FBXL17: variants seen among roughly 807,000 people sequenced by gnomAD.
FBXL17 encodes the protein F-box/LRR-repeat protein 17.
A neutral mutation model predicts 66.2 loss-of-function variants in FBXL17; 22 were observed. The ratio of observed to expected loss-of-function variants is 0.33; its 90% CI spans 0.24 to 0.47. FBXL17 has a LOEUF of 0.47. Ranked by LOEUF, FBXL17 falls within the 20% of genes least tolerant of loss-of-function variation. The pLI is 1.00. For synonymous variants in FBXL17, 474 were observed against 400.5 expected (o/e 1.18, Z -2.19); for missense variants, 878 against 948.2 (o/e 0.93, Z 0.97).
intron 7 of FBXL17, among the ~76,000 whole-genome samples, chr5:107,916,260 T>C (rs1175212012): frequency 2.0e-5 from 3 of 152,232 alleles, no homozygotes; most frequent in African/African-American, 7.2e-5. Flanking sequence ...CATCTAAACA[T>C]GGTTAAGGTC....
chr5:108,371,649 T>A (rs1749045433), intron 1 of FBXL17, among the ~76,000 whole-genome samples: 1 of 151,860 alleles, frequency 6.6e-6, no homozygotes, highest in Non-Finnish European at 1.5e-5. Context: ...AAGAAAACCG[T>A]GGACAAAGAA....
intron 6 of FBXL17, among the ~76,000 whole-genome samples, chr5:108,104,292 C>A (rs927941840): frequency 5.3e-5 from 8 of 152,202 alleles, no homozygotes; most frequent in African/African-American, 1.9e-4. Flanking sequence ...CTGCCTTGGC[C>A]TCCCAAAGTG....
intron 4 of FBXL17, among the ~76,000 whole-genome samples, chr5:108,267,185 G>C (rs961073817): frequency 2.0e-5 from 3 of 151,898 alleles, no homozygotes; most frequent in African/African-American, 7.2e-5. Flanking sequence ...AAAAAATCTA[G>C]TTGGCAATAA....
At chr5:107,925,029 G>A (rs1334522734) in intron 7 of FBXL17, among the ~76,000 whole-genome samples, 1 of 152,078 alleles carries the variant, frequency 6.6e-6, no homozygotes, top group Non-Finnish European at 1.5e-5. Flanking sequence ...GTAAAGATTT[G>A]ATTTACTTTG....
chr5:108,264,433 C>CAAAAA (rs1756964818), intron 4 of FBXL17, among the ~76,000 whole-genome samples: 1 of 151,224 alleles, frequency 6.6e-6, no homozygotes, highest in Non-Finnish European at 1.5e-5. Flanking sequence ...TTTAAACTGG[C>CAAAAA]CAAAAAAGAG....
At chr5:108,221,267 CCT>C (rs1754852335) in intron 5 of FBXL17, among the ~76,000 whole-genome samples, 1 of 152,180 alleles carries the variant, frequency 6.6e-6, no homozygotes, top group African/African-American at 2.4e-5. Context: ...TATTCCCAAT[CCT>C]CTGTTTTCTT....
chr5:108,148,931 G>C (rs1308456238), intron 6 of FBXL17, among the ~76,000 whole-genome samples: 2 of 152,176 alleles, frequency 1.3e-5, no homozygotes, highest in Non-Finnish European at 2.9e-5. Flanking sequence ...TCTCTTAAAT[G>C]TTAACTACAT....
At chr5:108,047,765 C>A (rs1226996091) in intron 6 of FBXL17, among the ~76,000 whole-genome samples, 1 of 152,202 alleles carries the variant, frequency 6.6e-6, no homozygotes, top group East Asian at 1.9e-4. Context: ...CAACTCCAGC[C>A]AGAGGCTCAG....
At chr5:107,944,760 T>C (rs1175783307) in intron 7 of FBXL17, among the ~76,000 whole-genome samples, 1 of 152,162 alleles carries the variant, frequency 6.6e-6, no homozygotes, top group Non-Finnish European at 1.5e-5. Context: ...TCAATAAACG[T>C]ATATCCAATT....
intron 6 of FBXL17, among the ~76,000 whole-genome samples, chr5:108,051,021 C>T (rs1418595397): frequency 6.6e-6 from 1 of 152,134 alleles, no homozygotes; most frequent in Non-Finnish European, 1.5e-5. Flanking sequence ...GATACACCTT[C>T]CAAAGACTAA....
intron 6 of FBXL17, among the ~76,000 whole-genome samples, chr5:108,080,714 G>C (rs1170170781): frequency 6.6e-6 from 1 of 152,116 alleles, no homozygotes; most frequent in Non-Finnish European, 1.5e-5. Context: ...TCCAGGTCTT[G>C]GTGGATTCAA....
chr5:108,226,179 C>T (rs1210633953), intron 4 of FBXL17, among the ~76,000 whole-genome samples: 1 of 152,152 alleles, frequency 6.6e-6, no homozygotes, highest in Non-Finnish European at 1.5e-5. Context: ...TAACTCTTCC[C>T]TCCCTCTCCC....
chr5:108,047,841 C>T (rs1249390670), intron 6 of FBXL17, among the ~76,000 whole-genome samples: 3 of 152,300 alleles, frequency 2.0e-5, no homozygotes, highest in Non-Finnish European at 2.9e-5. Flanking sequence ...TCTCTGCAGA[C>T]CAGCAGACTT....
At chr5:107,984,102 C>A (rs1334795605) in intron 7 of FBXL17, among the ~76,000 whole-genome samples, 1 of 152,148 alleles carries the variant, frequency 6.6e-6, no homozygotes, top group East Asian at 1.9e-4. Flanking sequence ...AGTGAGCAAG[C>A]TCGGCCTTGG....
In FBXL17 at chr5:108,186,227, C is replaced by T. The variant is rs377538178; in HGVS notation, c.1635G>A (p.Leu545=). Residue 545 remains leucine (L), a synonymous_variant, in exon 6 of 9, where the codon TTG becomes TTA. Transcript: ENST00000542267. ...HLTKLRNLSS[L]DLRHITELDN... ...CCAGTTCAGTGATATGACGTAGGTC[C>T]AAGCTGGAAAGGTTTCTTAGCTAAT... 2.5e-6 allele frequency: 4 copies of T among 1,611,984 alleles called. No homozygotes were observed. The highest frequency in any genetic ancestry group is 1.1e-5 in the South Asian group (1 of 90,664).
intron 6 of FBXL17, among the ~76,000 whole-genome samples, chr5:108,158,293 G>A (rs1342518459): frequency 6.6e-6 from 1 of 151,986 alleles, no homozygotes; most frequent in East Asian, 1.9e-4. Flanking sequence ...AGAAAACACT[G>A]AACCAATATA....
At chr5:108,334,330 C>G (rs985706804) in intron 4 of FBXL17, among the ~76,000 whole-genome samples, 1 of 152,148 alleles carries the variant, frequency 6.6e-6, no homozygotes, top group Admixed American at 6.6e-5. Flanking sequence ...GAAAGAGAGC[C>G]TATTTTCCAC....
intron 8 of FBXL17, among the ~76,000 whole-genome samples, chr5:107,871,262 T>C (rs1435678093): frequency 6.6e-6 from 1 of 152,142 alleles, no homozygotes; most frequent in East Asian, 1.9e-4. Flanking sequence ...ATGCTGTCTC[T>C]TTTTCATGAA....
At chr5:108,174,346 T>G (rs971574353) in intron 6 of FBXL17, among the ~76,000 whole-genome samples, 3 of 152,186 alleles carry the variant, frequency 2.0e-5, no homozygotes, top group African/African-American at 7.2e-5. Flanking sequence ...TAGTGACTAT[T>G]CTAACATTTT....
Sources: allele counts gnomAD v4.1 joint callset (sites outside exome capture counted in the v4.1 genomes callset), GRCh38; gene constraint gnomAD v4.1.1; transcripts MANE v1.5; gene names NCBI Gene and HGNC (gene_info 2026-07-23, HGNC 2026-07-21).